Variants in EML6 observed in about 807,000 individuals in gnomAD.
EML6 encodes echinoderm microtubule-associated protein-like 6.
A neutral mutation model predicts 240.1 loss-of-function variants in EML6; 154 were observed. The ratio of observed to expected loss-of-function variants is 0.64; its 90% CI spans 0.56 to 0.73. The LOEUF (loss-of-function observed/expected upper bound fraction) is 0.73. Among genes scored for constraint, EML6 ranks in the 30% least tolerant of loss-of-function variants. The pLI, the probability that EML6 is intolerant of heterozygous loss-of-function variation, is 0.00. For synonymous variants in EML6, 1,148 were observed against 899.0 expected (o/e 1.28, Z -4.95); for missense variants, 2,964 against 2,474.6 (o/e 1.20, Z -4.20).
chr2:54,851,709 T>C (rs1267923095), intron 10 of EML6, among the ~76,000 whole-genome samples: 1 of 152,242 alleles, frequency 6.6e-6, no homozygotes, highest in Admixed American at 6.5e-5. Flanking sequence ...TCTTCTTTAT[T>C]CCTGATCTTT....
Position 54,903,198 on chromosome 2 carries a change from T to C in EML6, c.3277+2T>C. On this transcript the variant is annotated splice_donor_variant, in intron 23 of 41. Transcript: ENST00000356458. LOFTEE classifies it high-confidence loss of function. ...TCTCTGATATTAAGTTTTCAAAAGG[T>C]GAAGATGACAGCAGATACTTTTTAA... 1 of 1,551,514 alleles carries C rather than the reference T, an allele frequency of 6.4e-7. No individual in the cohort carries two copies. The highest frequency in any genetic ancestry group is 8.7e-7 in the Non-Finnish European group (1 of 1,146,660).
At chr2:54,854,196 G>A (rs1573007398) in intron 11 of EML6, among the ~76,000 whole-genome samples, 1 of 152,066 alleles carries the variant, frequency 6.6e-6, no homozygotes, top group African/African-American at 2.4e-5. Flanking sequence ...ATTCTTTTAT[G>A]ATTCAGAGCT....
chr2:54,840,951 C>T (rs1445804973), intron 7 of EML6, among the ~76,000 whole-genome samples: 2 of 152,242 alleles, frequency 1.3e-5, no homozygotes, highest in South Asian at 2.1e-4. Context: ...GTAGATGATG[C>T]AAAGCCTGCT....
At chr2:54,846,206 G>T (rs577458944) in intron 8 of EML6, among the ~76,000 whole-genome samples, 1 of 152,262 alleles carries the variant, frequency 6.6e-6, no homozygotes, top group East Asian at 1.9e-4. Flanking sequence ...AGGGAAGCTT[G>T]TGAGGAGCAA....
chr2:54,952,074 C>A (rs1676009941), intron 30 of EML6, among the ~76,000 whole-genome samples: 1 of 152,316 alleles, frequency 6.6e-6, no homozygotes, highest in Middle Eastern at 3.4e-3. Flanking sequence ...AAGCCATCAC[C>A]TGTGCTGTCC....
chr2:54,934,269 C>CT (rs1675016530), intron 28 of EML6, among the ~76,000 whole-genome samples: 1 of 152,184 alleles, frequency 6.6e-6, no homozygotes, highest in African/African-American at 2.4e-5. Context: ...CAGGTTCCTA[C>CT]TGGGATGTCA....
chr2:54,956,049 AAT>A (rs1676218367), intron 32 of EML6, among the ~76,000 whole-genome samples: 1 of 152,096 alleles, frequency 6.6e-6, no homozygotes, highest in South Asian at 2.1e-4. Flanking sequence ...GTAAAAATAA[AAT>A]AGACCTAAAA....
rs1683281906 is a variant in EML6 at position 54,734,012 on chromosome 2, GTAAAGGGATAC to G, written c.197+8759_197+8769del. 5.3e-5 allele frequency among the ~76,000 whole-genome samples: 8 copies of G among 152,300 alleles called. No individual in the cohort carries two copies. The South Asian group carries it at 1.7e-3, about 32-fold the overall frequency. The stretch of plus-strand genomic sequence containing the variant: ...CTGAGTTGAGGACAAGAAAAGGTAA[GTAAAGGGATAC>G]TAAAAGGGCTTACATTAAAAATATT... On this transcript the variant is annotated intron_variant, in intron 2 of 41. Coordinates refer to ENST00000356458, the MANE Select transcript of EML6 (RefSeq NM_001039753.4).
At chr2:54,848,021 A>C (rs940561645) in intron 9 of EML6, among the ~76,000 whole-genome samples, 2 of 151,952 alleles carry the variant, frequency 1.3e-5, no homozygotes, top group African/African-American at 4.8e-5. Context: ...ATTCCCAAGC[A>C]CATCTAATTC....
intron 5 of EML6, among the ~76,000 whole-genome samples, chr2:54,826,525 A>T (rs920676124): frequency 2.6e-5 from 4 of 152,126 alleles, no homozygotes; most frequent in Admixed American, 2.6e-4. Flanking sequence ...GCTTGAACCC[A>T]GGAGGCAGAG....
intron 2 of EML6, among the ~76,000 whole-genome samples, chr2:54,730,479 T>C (rs1264527332): frequency 3.3e-5 from 5 of 152,232 alleles, no homozygotes; most frequent in Non-Finnish European, 7.3e-5. Context: ...GAGTGCTTGC[T>C]CTGTACCAGA....
chr2:54,741,328 A>G (rs553925271), intron 2 of EML6, among the ~76,000 whole-genome samples: 13 of 152,332 alleles, frequency 8.5e-5, no homozygotes, highest in African/African-American at 3.1e-4. Flanking sequence ...AAACAAAAAA[A>G]TTCAGATTTA....
At chr2:54,769,231 C>G (rs1668311874) in intron 2 of EML6, among the ~76,000 whole-genome samples, 1 of 152,168 alleles carries the variant, frequency 6.6e-6, no homozygotes, top group Non-Finnish European at 1.5e-5. Context: ...TGTCAGAAGA[C>G]TTCACTATAA....
In EML6 at chr2:54,916,878, C is replaced by G. The variant is rs1249663582; in HGVS notation, c.3618C>G (p.Ser1206=). 1 of 1,549,352 alleles carries G rather than the reference C, an allele frequency of 6.5e-7. No individual in the cohort carries two copies. The highest frequency in any genetic ancestry group is 2.4e-5 in the East Asian group (1 of 40,840). Residue 1206 remains serine (S), a synonymous_variant, in exon 26 of 42, where the codon TCC becomes TCG. Transcript: ENST00000356458. ...VNAASLTKDC[S]LLATGDDFGF... ...CTGCCAGTCTTACCAAAGACTGTTC[C>G]CTTTTAGCCACCGGAGATGATTTTG...
At position 54,970,228 on chromosome 2, in the gene EML6, A is replaced by T; in HGVS notation, c.*133A>T. 1.2e-6 allele frequency: 1 copy of T among 853,966 alleles called. No homozygotes were observed. The highest frequency in any genetic ancestry group is 1.9e-6 in the Non-Finnish European group (1 of 521,780). 52.9% of individuals were successfully genotyped at this position (853,966 alleles called of 1,614,324 possible). A position where few individuals can be genotyped will look rare whatever the true frequency, so the allele number is the denominator to read the frequency against. ...GCTGCCCCGGATGCACAAGCTCAAA[A>T]CGCTGCAGAAGTTACACAACTGCTC... On this transcript the variant is annotated 3_prime_UTR_variant, in exon 42 of 42. Coordinates refer to ENST00000356458, the MANE Select transcript of EML6 (RefSeq NM_001039753.4).
chr2:54,745,348 T>C (rs1224429128), intron 2 of EML6, among the ~76,000 whole-genome samples: 1 of 152,142 alleles, frequency 6.6e-6, no homozygotes, highest in Non-Finnish European at 1.5e-5. Context: ...GATGGGATAG[T>C]GCCTTCTATG....
intron 5 of EML6, among the ~76,000 whole-genome samples, chr2:54,821,761 A>G (rs181291429): frequency 6.6e-5 from 10 of 152,250 alleles, no homozygotes; most frequent in African/African-American, 1.9e-4. Flanking sequence ...GCAGGCACAA[A>G]TTTATCAATT....
At chr2:54,899,461 C>G (rs916976621) in intron 21 of EML6, among the ~76,000 whole-genome samples, 180 bp from the exon 22 acceptor site, 6 of 151,664 alleles carry the variant, frequency 4.0e-5, no homozygotes, top group Non-Finnish European at 7.4e-5. Flanking sequence ...GCTGTAGATT[C>G]AAGTTTAAAT....
At chr2:54,756,550 C>T (rs913322343) in intron 2 of EML6, among the ~76,000 whole-genome samples, 1 of 151,970 alleles carries the variant, frequency 6.6e-6, no homozygotes, top group African/African-American at 2.4e-5. Flanking sequence ...TGTATTTGGG[C>T]AGTAGGGTGT....
Sources: gnomAD v4.1 joint callset for allele counts (sites outside exome capture counted in the v4.1 genomes callset) on GRCh38, gnomAD v4.1.1 for gene constraint, MANE v1.5 for transcripts, NCBI Gene and HGNC (gene_info 2026-07-23, HGNC 2026-07-21) for gene names.